Variants in HIBCH observed in about 807,000 individuals in gnomAD.
The protein encoded by HIBCH is 3-hydroxyisobutyryl-CoA hydrolase, also known as 3-hydroxyisobutyryl-CoA hydrolase, mitochondrial.
Under a neutral mutation model 58.2 loss-of-function variants are expected in HIBCH, and 50 were observed. The observed-to-expected ratio is 0.86, with a 90% CI of 0.68 to 1.09. HIBCH has a LOEUF of 1.09. Ranked by LOEUF, HIBCH falls within the 50% of genes least tolerant of loss-of-function variation. The pLI, the probability that HIBCH is intolerant of heterozygous loss-of-function variation, is 0.00. For synonymous variants in HIBCH, 151 were observed against 146.9 expected (o/e 1.03, Z -0.20); for missense variants, 450 against 449.7 (o/e 1.00, Z -0.01).
intron 6 of HIBCH, among the ~76,000 whole-genome samples, chr2:190,262,254 A>C (rs1016345606): frequency 6.6e-6 from 1 of 152,162 alleles, no homozygotes; most frequent in African/African-American, 2.4e-5. Context: ...ACACATAAAA[A>C]GAAGCAGAGA....
intron 6 of HIBCH, among the ~76,000 whole-genome samples, chr2:190,273,871 A>C (rs1278905190): frequency 6.6e-6 from 1 of 151,918 alleles, no homozygotes; most frequent in African/African-American, 2.4e-5. Flanking sequence ...ATGCAGTGAG[A>C]CAATCATGGC....
intron 11 of HIBCH, chr2:190,213,975 C>A (rs1453898691): frequency 1.3e-5 from 2 of 152,196 alleles, no homozygotes; most frequent in Non-Finnish European, 2.9e-5. Flanking sequence ...GTCTCTGAGT[C>A]CATTCTGTGG....
rs1690460032 is a variant in HIBCH at position 190,209,106 on chromosome 2, C to T, written c.1012-193G>A. On this transcript the variant is annotated intron_variant, in intron 12 of 13. Coordinates refer to ENST00000359678, the MANE Select transcript of HIBCH (RefSeq NM_014362.4). This position sits in a 1 kb window ranked among gnomAD's most constrained non-coding sequence, Gnocchi z 5.6. ...CTAAATCTTATTTGCTCAAGTATCTCCACTGCTACAAATCATTGATCTTAC... is the reference window on the plus strand; with the variant it reads ...CTAAATCTTATTTGCTCAAGTATCTTCACTGCTACAAATCATTGATCTTAC... 6.6e-6 allele frequency among the ~76,000 whole-genome samples: 1 copy of T among 152,120 alleles called. No individual in the cohort carries two copies. The highest frequency in any genetic ancestry group is 1.5e-5 in the Non-Finnish European group (1 of 68,020).
rs201893817 is a variant in HIBCH at position 190,309,558 on chromosome 2, ATTTT to A, written c.78+1192_78+1195del. Among the ~76,000 whole-genome samples the A allele has an allele frequency of 5.7e-3, 826 of 144,008 alleles. 5 individuals are homozygous for A. The highest frequency in any genetic ancestry group is 0.02 in the African/African-American group (786 of 39,470). The allele number at this position is 144,008 out of a possible 152,430, so 94.5% of individuals were successfully genotyped here. A position where few individuals can be genotyped will look rare whatever the true frequency, so the allele number is the denominator to read the frequency against. ...TGTCATATGCCATGCACTATGCTAG[ATTTT>A]TTTTTTTTTTTTAAGACAGAGTCTC... On this transcript the variant is annotated intron_variant, in intron 2 of 13. Transcript: ENST00000359678.
Position 190,296,910 on chromosome 2 carries a change from T to TC in HIBCH, c.121dup (p.Glu41GlyfsTer23), listed in dbSNP as rs867066168. 1 of 1,614,056 alleles carries TC rather than the reference T, an allele frequency of 6.2e-7. No individual in the cohort carries two copies. The highest frequency in any genetic ancestry group is 8.5e-7 in the Non-Finnish European group (1 of 1,179,908). On this transcript the variant is annotated frameshift_variant, in exon 3 of 14. Transcript: ENST00000359678. LOFTEE classifies it high-confidence loss of function. Reference sequence around the variant, plus strand: ...TATGACTCCCGTGCAACCTTTTTTTTCCAATAGCACCTCTTCTGCTGCATC... The same window carrying TC: ...TATGACTCCCGTGCAACCTTTTTTTTCCCAATAGCACCTCTTCTGCTGCATC...
At chr2:190,230,709 A>G (rs1379776371) in intron 11 of HIBCH, among the ~76,000 whole-genome samples, 1 of 152,184 alleles carries the variant, frequency 6.6e-6, no homozygotes, top group Non-Finnish European at 1.5e-5. Flanking sequence ...AAAGAAATAT[A>G]ATCTATAAAT....
rs900869617 is a variant in HIBCH at position 190,204,190 on chromosome 2, T to C, written c.*927A>G. 2.0e-5 allele frequency: 3 copies of C among 152,108 alleles called. No homozygotes were observed. Among genetic ancestry groups the C allele is most frequent in the African/African-American group, 7.2e-5 (3 of 41,458 alleles). 9.4% of individuals were successfully genotyped at this position (152,108 alleles called of 1,614,324 possible). A position where few individuals can be genotyped will look rare whatever the true frequency, so the allele number is the denominator to read the frequency against. On this transcript the variant is annotated 3_prime_UTR_variant, in exon 14 of 14. Coordinates refer to ENST00000359678, the MANE Select transcript of HIBCH (RefSeq NM_014362.4). ...CTTACTTCATTAACAATATCAATTA[T>C]TGAATATATCTTTTGAACAAAAGTC... is the stretch of plus-strand genomic sequence containing the variant.
downstream of HIBCH, chr2:190,201,886 C>G (rs1690254285): frequency 6.0e-6 from 1 of 167,002 alleles, no homozygotes; most frequent in African/African-American, 2.4e-5. Context: ...GGTTGAGTGA[C>G]AAAAGCCTAG....
chr2:190,208,667 G>GT (rs1690449947), intron 13 of HIBCH: 3 of 507,402 alleles, frequency 5.9e-6, no homozygotes, highest in Non-Finnish European at 1.0e-5. Flanking sequence ...TTTCAGGTTT[G>GT]ATTTTTTTTT....
In HIBCH at chr2:190,216,867, T is replaced by C. The variant is rs1280093397; in HGVS notation, c.892-3792A>G. ...GCAGCTGAGGAGGAGGAAAAGCCAC[T>C]AAGTCCCCTCCCAGAGCGGGACAAA... On this transcript the variant is annotated intron_variant, in intron 11 of 13. Transcript: ENST00000359678. This position sits in a 1 kb window ranked among gnomAD's most constrained non-coding sequence, Gnocchi z 4.2. Among the ~76,000 whole-genome samples the C allele has an allele frequency of 6.6e-6, 1 of 152,144 alleles. No homozygotes were observed. Among genetic ancestry groups the C allele is most frequent in the Non-Finnish European group, 1.5e-5 (1 of 68,016 alleles).
At chr2:190,224,120 C>G in intron 11 of HIBCH, among the ~76,000 whole-genome samples, 1 of 152,212 alleles carries the variant, frequency 6.6e-6, no homozygotes, top group Non-Finnish European at 1.5e-5. Flanking sequence ...CTGCACCTGG[C>G]TCAGAGGGTC....
chr2:190,245,115 G>C (rs754662471), intron 10 of HIBCH, 147 bp from the exon 11 acceptor site: 5 of 670,058 alleles, frequency 7.5e-6, no homozygotes, highest in African/African-American at 3.6e-5. Flanking sequence ...AAAAGAAAGA[G>C]AGCATTGCTT....
chr2:190,317,450 T>C (rs1166474135), intron 1 of HIBCH, among the ~76,000 whole-genome samples: 2 of 152,202 alleles, frequency 1.3e-5, no homozygotes, highest in African/African-American at 2.4e-5. Context: ...TCCCAGCAAG[T>C]AGAACAGAAC....
intron 11 of HIBCH, among the ~76,000 whole-genome samples, chr2:190,230,078 C>T (rs144074900): frequency 0.011 from 1,746 of 152,256 alleles, 28 homozygotes; most frequent in Middle Eastern, 0.02. Flanking sequence ...GTAAGCTCCC[C>T]ATTCTAATCA....
chr2:190,244,267 G>A (rs1378438199), intron 11 of HIBCH, among the ~76,000 whole-genome samples: 1 of 152,064 alleles, frequency 6.6e-6, no homozygotes, highest in Non-Finnish European at 1.5e-5. Context: ...AATACTCCAA[G>A]TCTCATAATC....
At chr2:190,319,332 G>A (rs1575772556) in intron 1 of HIBCH, among the ~76,000 whole-genome samples, 1 of 152,308 alleles carries the variant, frequency 6.6e-6, no homozygotes, top group East Asian at 1.9e-4. Flanking sequence ...GCAGCAACTG[G>A]CAAAGCACCT....
intron 3 of HIBCH, 78 bp downstream of exon 3, chr2:190,296,734 TG>T (rs1688112226): frequency 3.1e-6 from 4 of 1,296,880 alleles, no homozygotes; most frequent in Non-Finnish European, 3.4e-6. Context: ...TGTGATTCTA[TG>T]GGAGAAAATA....
At chr2:190,287,481 G>T in intron 6 of HIBCH, 105 bp downstream of exon 6, 1 of 777,756 alleles carries the variant, frequency 1.3e-6, no homozygotes, top group Admixed American at 2.1e-5. Flanking sequence ...ATGTTTCAAT[G>T]AGTTCTATTA....
chr2:190,301,307 G>A (rs1018825973), intron 2 of HIBCH, among the ~76,000 whole-genome samples: 3 of 152,166 alleles, frequency 2.0e-5, no homozygotes, highest in African/African-American at 4.8e-5. Flanking sequence ...CATTCTAGTG[G>A]GGGAAGGAAA....
Sources: allele counts gnomAD v4.1 joint callset (sites outside exome capture counted in the v4.1 genomes callset), GRCh38; gene constraint gnomAD v4.1.1; non-coding constraint Gnocchi (gnomAD v3.1); transcripts MANE v1.5; gene names NCBI Gene and HGNC (gene_info 2026-07-23, HGNC 2026-07-21).